The following STAG2 variants were observed in gnomAD, a reference collection of about 807,000 sequenced individuals.
STAG2 encodes STAG2 cohesin complex component.
In STAG2, 14 loss-of-function variants were observed where a neutral mutation model predicts 108.1. The observed-to-expected ratio is 0.13, with a 90% CI of 0.09 to 0.20. The LOEUF (loss-of-function observed/expected upper bound fraction) is 0.20, where lower values mean the gene tolerates loss of function less well. Among genes scored for constraint, STAG2 ranks in the 10% least tolerant of loss-of-function variants. The pLI is 1.00. For synonymous variants in STAG2, 307 were observed against 302.7 expected (o/e 1.01, Z -0.15); for missense variants, 440 against 940.9 (o/e 0.47, Z 6.96).
intron 1 of STAG2, among the ~76,000 whole-genome samples, chrX:124,017,312 C>T (rs1419217732): frequency 9.1e-6 from 1 of 109,902 alleles, no homozygotes; most frequent in Non-Finnish European, 1.9e-5. Context: ...CGGGTTCAAG[C>T]GATTCTCCTG....
At chrX:124,074,029 C>T (rs1331075197) in intron 25 of STAG2, among the ~76,000 whole-genome samples, 1 of 112,184 alleles carries the variant, frequency 8.9e-6, no homozygotes, top group African/African-American at 3.2e-5. Flanking sequence ...TTTATTCTTG[C>T]TAACTTCCAT....
rs938699868 is a variant in STAG2, at chrX:124,070,412, G to GT, written c.2359-736dup. 6.3e-5 allele frequency among the ~76,000 whole-genome samples: 7 copies of GT among 111,527 alleles called. No individual in the cohort carries two copies. The East Asian group carries it at 8.4e-4, about 13-fold the overall frequency. ...TTCCAGGAATGATCTTCCTTTAAAT[G>GT]TATTTTCTGGTTTACTTTGTGACCC... On this transcript the variant is annotated intron_variant, in intron 24 of 34. Transcript: ENST00000371145.
At chrX:124,092,848 C>T (rs1342410500) in intron 32 of STAG2, among the ~76,000 whole-genome samples, 1 of 112,145 alleles carries the variant, frequency 8.9e-6, no homozygotes, top group Non-Finnish European at 1.9e-5. Flanking sequence ...TTCACGGTTG[C>T]CTCTACAAAA....
chrX:124,060,318 G>T (rs2058343122), intron 15 of STAG2, among the ~76,000 whole-genome samples: 1 of 111,215 alleles, frequency 9.0e-6, no homozygotes, highest in African/African-American at 3.3e-5. Context: ...TAAAGACAGG[G>T]TTTTGCCACG....
At chrX:124,072,691 GTTGTTTGT>G (rs3072795) in intron 25 of STAG2, among the ~76,000 whole-genome samples, 191 of 104,261 alleles carry the variant, frequency 1.8e-3, no homozygotes, top group African/African-American at 5.9e-3. Flanking sequence ...TGTTGTTGTT[GTTGTTTGT>G]TTGTTTGTTT....
intron 1 of STAG2, among the ~76,000 whole-genome samples, chrX:124,009,466 G>A (rs189296822): frequency 1.1e-3 from 125 of 108,724 alleles, no homozygotes; most frequent in African/African-American, 4.1e-3. Flanking sequence ...TAGATAGATA[G>A]ATAGATAGAT....
intron 29 of STAG2, among the ~76,000 whole-genome samples, chrX:124,085,754 A>C (rs1263517549): frequency 1.2e-5 from 1 of 81,526 alleles, no homozygotes; most frequent in Non-Finnish European, 2.4e-5. Context: ...AGCCTCGATG[A>C]CAGAGTGAGA....
intron 29 of STAG2, 52 bp from the exon 30 acceptor site, chrX:124,086,495 T>TA (rs1347937583): frequency 6.9e-6 from 7 of 1,014,170 alleles, no homozygotes; most frequent in Non-Finnish European, 8.3e-6. Flanking sequence ...TATGAGTTAA[T>TA]ATAACCCACA....
intron 1 of STAG2, among the ~76,000 whole-genome samples, chrX:123,981,301 TC>T (rs1206229632): frequency 9.1e-6 from 1 of 109,857 alleles, no homozygotes; most frequent in Non-Finnish European, 1.9e-5. Context: ...AGGGCCCTGT[TC>T]CTCCCTCCCT....
chrX:124,080,810 A>T (rs1313352457), intron 27 of STAG2, among the ~76,000 whole-genome samples: 2 of 112,287 alleles, frequency 1.8e-5, no homozygotes, highest in Non-Finnish European at 3.8e-5. Context: ...ACTATATAAT[A>T]TTCCATTTTA....
chrX:124,066,950 A>G (rs1010714718), intron 23 of STAG2, among the ~76,000 whole-genome samples: 2 of 111,984 alleles, frequency 1.8e-5, no homozygotes, highest in African/African-American at 6.5e-5. Context: ...TTAGTAATTG[A>G]ACTAAACAGG....
At chrX:123,972,770 G>A (rs1175679389) in intron 1 of STAG2, among the ~76,000 whole-genome samples, 4 of 99,187 alleles carry the variant, frequency 4.0e-5, no homozygotes, top group African/African-American at 1.5e-4. Flanking sequence ...TGTATTCCCA[G>A]CACTTTGGGA....
At chrX:124,086,342 A>G (rs1187142549) in intron 29 of STAG2, among the ~76,000 whole-genome samples, 2 of 111,650 alleles carry the variant, frequency 1.8e-5, no homozygotes, top group African/African-American at 6.5e-5. Flanking sequence ...TGCCTGGGAC[A>G]TAATAGGTAC....
At chrX:124,003,419 T>C (rs2056142315) in intron 1 of STAG2, 1 of 111,181 alleles carries the variant, frequency 9.0e-6, no homozygotes, top group Non-Finnish European at 1.9e-5. Flanking sequence ...GAAATATAAT[T>C]TTTTTTTAAT....
intron 25 of STAG2, among the ~76,000 whole-genome samples, chrX:124,075,334 C>T (rs1479752973): frequency 9.0e-6 from 1 of 111,596 alleles, no homozygotes; most frequent in Non-Finnish European, 1.9e-5. Flanking sequence ...AGTGCAGTGG[C>T]GTGATCTTGG....
rs1556534407 is a variant in STAG2 at position 124,061,768 on chromosome X, T to TTTTA, written c.1535-3_1535-2insTTTA. On this transcript the variant is annotated splice_polypyrimidine_tract_variant and splice_region_variant and intron_variant, in intron 16 of 34. Transcript: ENST00000371145. ...CTTTTTTTTTTTTTTTTTTTTTTTT[T>TTTTA]AGCACTAACAGATAGGCAAGAGAGT... is the stretch of plus-strand genomic sequence containing the variant. The TTTTA allele has an allele frequency of 2.2e-6, 2 of 893,861 alleles. No individual in the cohort carries two copies. Among genetic ancestry groups the TTTTA allele is most frequent in the Non-Finnish European group, 3.0e-6 (2 of 660,091 alleles). 73.7% of individuals were successfully genotyped at this position (893,861 alleles called of 1,213,427 possible).
intron 6 of STAG2, among the ~76,000 whole-genome samples, chrX:124,039,405 T>C (rs1343895086): frequency 9.1e-6 from 1 of 109,401 alleles, no homozygotes; most frequent in African/African-American, 3.3e-5. Context: ...TGCCTCATCC[T>C]CCGAAGTAGC....
chrX:124,013,337 ACACACACACACG>A (rs1170123854), intron 1 of STAG2, among the ~76,000 whole-genome samples: 1 of 110,799 alleles, frequency 9.0e-6, no homozygotes, highest in Admixed American at 9.7e-5. Flanking sequence ...ACACACACAC[ACACACACACACG>A]CACACCAGTC....
intron 1 of STAG2, among the ~76,000 whole-genome samples, chrX:123,996,352 A>T (rs766914726): frequency 2.7e-5 from 3 of 112,255 alleles, no homozygotes; most frequent in Admixed American, 9.5e-5. Flanking sequence ...GCATTTGAGT[A>T]TGGGCAGGCG....
Sources: allele counts gnomAD v4.1 joint callset (sites outside exome capture counted in the v4.1 genomes callset), GRCh38; gene constraint gnomAD v4.1.1; transcripts MANE v1.5; gene names NCBI Gene and HGNC (gene_info 2026-07-23, HGNC 2026-07-21).